AFG2A: variants seen among roughly 807,000 people sequenced by gnomAD.
AFG2A encodes the protein AAA ATPase AFG2A, also known as ATPase family gene 2 protein homolog A.
the AFG2A span, among the ~76,000 whole-genome samples, chr4:123,148,995 C>G: frequency 6.0e-5 from 9 of 151,148 alleles, no homozygotes; most frequent in Admixed American, 5.9e-4. Context: ...TCTCGAATTC[C>G]TGACCTCAGG....
chr4:123,148,615 TACC>T, the AFG2A span, among the ~76,000 whole-genome samples: 3 of 152,166 alleles, frequency 2.0e-5, no homozygotes, highest in Admixed American at 6.5e-5. Flanking sequence ...GGCCCACTGA[TACC>T]ACCACCAGAG....
chr4:122,968,432 C>T, the AFG2A span, among the ~76,000 whole-genome samples: 1 of 152,202 alleles, frequency 6.6e-6, no homozygotes, highest in African/African-American at 2.4e-5. Context: ...CTCTCAGACC[C>T]TTTCCCAGCC....
the AFG2A span, among the ~76,000 whole-genome samples, chr4:123,021,166 A>G: frequency 3.3e-5 from 5 of 151,528 alleles, no homozygotes; most frequent in Non-Finnish European, 7.4e-5. Context: ...TTCCTCTTAT[A>G]TTCCATACTT....
the AFG2A span, among the ~76,000 whole-genome samples, chr4:123,240,606 C>T: frequency 3.9e-5 from 6 of 152,218 alleles, no homozygotes; most frequent in African/African-American, 1.4e-4. Context: ...CACAACGTAC[C>T]AGAATCTCTG....
At chr4:123,045,399 C>T in the AFG2A span, among the ~76,000 whole-genome samples, 3 of 152,052 alleles carry the variant, frequency 2.0e-5, no homozygotes, top group Non-Finnish European at 4.4e-5. Flanking sequence ...GTTTTGTCAG[C>T]GGTCCCAATA....
At chr4:122,986,934 G>T in the AFG2A span, among the ~76,000 whole-genome samples, 1 of 152,006 alleles carries the variant, frequency 6.6e-6, no homozygotes, top group East Asian at 1.9e-4. Context: ...GTCTCTTACT[G>T]TTCCTGTATA....
the AFG2A span, chr4:123,056,328 A>G: frequency 6.6e-7 from 1 of 1,506,480 alleles, no homozygotes; most frequent in Non-Finnish European, 9.0e-7. Context: ...ACTTCATTGG[A>G]AGAAATATAC....
chr4:123,196,739 C>T, the AFG2A span, among the ~76,000 whole-genome samples: 3 of 152,102 alleles, frequency 2.0e-5, no homozygotes, highest in South Asian at 6.2e-4. Context: ...AGTTTGTTAC[C>T]GTTTGATAGT....
the AFG2A span, among the ~76,000 whole-genome samples, chr4:123,220,634 A>C: frequency 8.9e-4 from 121 of 136,466 alleles, 2 homozygotes; most frequent in South Asian, 0.011. Flanking sequence ...AAAAAAAAAA[A>C]AAACCTGGAG....
chr4:123,003,355 C>T, the AFG2A span, among the ~76,000 whole-genome samples: 21 of 152,332 alleles, frequency 1.4e-4, no homozygotes, highest in South Asian at 1.5e-3. Context: ...TGAGGAGCTG[C>T]GTTCCTTTGG....
the AFG2A span, among the ~76,000 whole-genome samples, chr4:123,111,832 G>T: frequency 6.6e-6 from 1 of 151,872 alleles, no homozygotes; most frequent in Non-Finnish European, 1.5e-5. Context: ...TGCCTTCTGG[G>T]TTCAAGTCAT....
At chr4:123,224,480 G>C in the AFG2A span, among the ~76,000 whole-genome samples, 2 of 151,796 alleles carry the variant, frequency 1.3e-5, no homozygotes, top group African/African-American at 4.8e-5. Context: ...TTGTCCTTGC[G>C]ATAGTTTGCT....
At chr4:123,023,303 C>T in the AFG2A span, among the ~76,000 whole-genome samples, 1 of 152,078 alleles carries the variant, frequency 6.6e-6, no homozygotes, top group African/African-American at 2.4e-5. Flanking sequence ...GTAATCCAAA[C>T]CTCAGCGTCA....
At chr4:123,039,983 A>T in the AFG2A span, among the ~76,000 whole-genome samples, 1 of 151,988 alleles carries the variant, frequency 6.6e-6, no homozygotes, top group African/African-American at 2.4e-5. Context: ...AGGACACAAC[A>T]ATTTATTTAC....
the AFG2A span, among the ~76,000 whole-genome samples, chr4:123,081,378 A>G: frequency 6.6e-6 from 1 of 152,216 alleles, no homozygotes; most frequent in Non-Finnish European, 1.5e-5. Context: ...TGTAGTTGGA[A>G]TAATGCAATA....
chr4:123,248,930 T>C, the AFG2A span, among the ~76,000 whole-genome samples: 1 of 152,278 alleles, frequency 6.6e-6, no homozygotes, highest in East Asian at 1.9e-4. Context: ...ATCACTATAA[T>C]AGCATTTAAT....
chr4:123,198,477 C>T, the AFG2A span, among the ~76,000 whole-genome samples: 1 of 152,208 alleles, frequency 6.6e-6, no homozygotes. Flanking sequence ...TGAACCCCTT[C>T]TGAGACCACT....
At chr4:123,200,643 T>C in the AFG2A span, among the ~76,000 whole-genome samples, 7 of 152,358 alleles carry the variant, frequency 4.6e-5, no homozygotes, top group East Asian at 1.2e-3. Flanking sequence ...TTGGTTGCAC[T>C]GAGAAGGCAA....
chr4:123,137,982 G>A, the AFG2A span, among the ~76,000 whole-genome samples: 1 of 152,102 alleles, frequency 6.6e-6, no homozygotes, highest in Non-Finnish European at 1.5e-5. Flanking sequence ...TAGGGAAAAT[G>A]GATATTTGAT....
Sources: allele counts gnomAD v4.1 joint callset (sites outside exome capture counted in the v4.1 genomes callset), GRCh38; gene constraint gnomAD v4.1.1; transcripts MANE v1.5; gene names NCBI Gene and HGNC (gene_info 2026-07-23, HGNC 2026-07-21).